The following LYPLAL1 variants were observed in gnomAD, a reference collection of about 807,000 sequenced individuals.
LYPLAL1 encodes lysophospholipase-like protein 1.
In LYPLAL1, 23 loss-of-function variants were observed where a neutral mutation model predicts 19.7. The observed-to-expected ratio is 1.17, with a 90% CI of 0.84 to 1.65. LYPLAL1 has a LOEUF of 1.65. Ranked by LOEUF, LYPLAL1 falls within the 40% of genes most tolerant of loss-of-function variation. The pLI is 0.00. For missense variants in LYPLAL1, 355 were observed against 279.4 expected (o/e 1.27, Z -1.93); for synonymous variants, 119 against 96.3 (o/e 1.24, Z -1.38).
chr1:219,376,029 C>G, the LYPLAL1 span, among the ~76,000 whole-genome samples: 1 of 152,114 alleles, frequency 6.6e-6, no homozygotes, highest in African/African-American at 2.4e-5. Flanking sequence ...CCGTGAGCCA[C>G]TGCACCTGGC....
At chr1:219,418,435 C>G in the LYPLAL1 span, among the ~76,000 whole-genome samples, 2 of 152,170 alleles carry the variant, frequency 1.3e-5, no homozygotes, top group African/African-American at 4.8e-5. Flanking sequence ...CTAGCCCATC[C>G]TAGTGGTTCT....
At chr1:219,443,084 G>GAAA in the LYPLAL1 span, among the ~76,000 whole-genome samples, 100 of 143,108 alleles carry the variant, frequency 7.0e-4, no homozygotes, top group South Asian at 0.015. Context: ...GTTTCTGCTG[G>GAAA]AAAAAAAAAA....
At chr1:219,440,750 T>C in the LYPLAL1 span, among the ~76,000 whole-genome samples, 1 of 152,184 alleles carries the variant, frequency 6.6e-6, no homozygotes, top group Non-Finnish European at 1.5e-5. Context: ...AACCAAGTAA[T>C]GTATGAGAAT....
At chr1:219,193,308 A>G in intron 3 of LYPLAL1, 57 bp downstream of exon 3, 2 of 1,370,314 alleles carry the variant, frequency 1.5e-6, no homozygotes, top group African/African-American at 1.4e-5. Flanking sequence ...AATTCTATAC[A>G]TCAAATCTTA....
the LYPLAL1 span, among the ~76,000 whole-genome samples, chr1:219,369,395 C>CCAAGTAG: frequency 6.6e-6 from 1 of 152,224 alleles, no homozygotes; most frequent in African/African-American, 2.4e-5. Flanking sequence ...CCTCAGCCTC[C>CCAAGTAG]CAAGTAGCTG....
the LYPLAL1 span, among the ~76,000 whole-genome samples, chr1:219,328,474 A>G: frequency 6.6e-6 from 1 of 152,192 alleles, no homozygotes; most frequent in Non-Finnish European, 1.5e-5. Flanking sequence ...CCTACACACC[A>G]GAAGAATTGT....
At chr1:219,306,849 T>TAGATAGACAGACAGAC in the LYPLAL1 span, among the ~76,000 whole-genome samples, 17,521 of 135,026 alleles carry the variant, frequency 0.13, 1,488 homozygotes, top group Non-Finnish European at 0.17. Flanking sequence ...GATAGATAGA[T>TAGATAGACAGACAGAC]AGACAGACAG....
At chr1:219,289,701 T>C in the LYPLAL1 span, among the ~76,000 whole-genome samples, 1 of 152,198 alleles carries the variant, frequency 6.6e-6, no homozygotes, top group South Asian at 2.1e-4. Flanking sequence ...CTGCTGGTAT[T>C]GTCAAACACT....
At chr1:219,301,951 A>G in the LYPLAL1 span, among the ~76,000 whole-genome samples, 2 of 152,314 alleles carry the variant, frequency 1.3e-5, no homozygotes, top group Admixed American at 1.3e-4. Flanking sequence ...CATGATACAG[A>G]TAAGCAAAAA....
the LYPLAL1 span, among the ~76,000 whole-genome samples, chr1:219,370,140 A>G: frequency 6.6e-6 from 1 of 152,208 alleles, no homozygotes; most frequent in Non-Finnish European, 1.5e-5. Flanking sequence ...AGCACATTGT[A>G]CACAGCAACT....
rs1656085237 is a variant in LYPLAL1 at position 219,179,440 on chromosome 1, T to A, written c.191+194T>A. The A allele has an allele frequency of 5.7e-6, 3 of 528,144 alleles. No homozygotes were observed. In the Admixed American group the frequency reaches 1.2e-4, roughly 21 times the overall value. 32.7% of individuals were successfully genotyped at this position (528,144 alleles called of 1,614,324 possible). A position where few individuals can be genotyped will look rare whatever the true frequency, so the allele number is the denominator to read the frequency against. ...AAGTTTTGCCAGGTGAGTAATTTAT[T>A]CCCTTTCTGTAAAGCATTCCCTAAA... On this transcript the variant is annotated intron_variant, in intron 2 of 4. Coordinates refer to ENST00000366928, the MANE Select transcript of LYPLAL1 (RefSeq NM_138794.5).
chr1:219,175,204 G>T, intron 1 of LYPLAL1: 1 of 596,228 alleles, frequency 1.7e-6, no homozygotes, highest in Non-Finnish European at 2.1e-6. Context: ...AGAACCCAAA[G>T]CTCTCCGACC....
At chr1:219,174,078 A>G (rs796204121) in intron 1 of LYPLAL1, 97 bp downstream of exon 1, 25 of 1,552,032 alleles carry the variant, frequency 1.6e-5, no homozygotes, top group Middle Eastern at 1.7e-4. Flanking sequence ...CGCCGGGCCC[A>G]AATAGGGCCC....
At chr1:219,246,567 A>G in the LYPLAL1 span, among the ~76,000 whole-genome samples, 1 of 152,128 alleles carries the variant, frequency 6.6e-6, no homozygotes, top group African/African-American at 2.4e-5. Flanking sequence ...TGCCCCGTTT[A>G]CAAGTAGACA....
the LYPLAL1 span, chr1:219,409,775 G>C: frequency 6.6e-6 from 1 of 152,186 alleles, no homozygotes; most frequent in Non-Finnish European, 1.5e-5. Flanking sequence ...GGCTGAACAC[G>C]GCAGGTTTCT....
At chr1:219,380,959 ATG>A in the LYPLAL1 span, among the ~76,000 whole-genome samples, 1 of 152,150 alleles carries the variant, frequency 6.6e-6, no homozygotes, top group Non-Finnish European at 1.5e-5. Context: ...CTTGCTCTGT[ATG>A]ACAAGAAACA....
At chr1:219,242,299 A>G in the LYPLAL1 span, among the ~76,000 whole-genome samples, 1 of 152,192 alleles carries the variant, frequency 6.6e-6, no homozygotes, top group East Asian at 1.9e-4. Context: ...ACTTAAACCA[A>G]CCACTGGTCT....
chr1:219,193,273 A>T, intron 3 of LYPLAL1, 22 bp downstream of exon 3: 1 of 1,581,850 alleles, frequency 6.3e-7, no homozygotes. Flanking sequence ...AAATGTTGGT[A>T]ATTTATCACT....
chr1:219,213,647 A>T (rs57492200), downstream of LYPLAL1, among the ~76,000 whole-genome samples: 115 of 152,106 alleles, frequency 7.6e-4, no homozygotes, highest in African/African-American at 2.7e-3. Flanking sequence ...TGTTAGATTT[A>T]TACTTGTATT....
Sources: allele counts gnomAD v4.1 joint callset (sites outside exome capture counted in the v4.1 genomes callset), GRCh38; gene constraint gnomAD v4.1.1; transcripts MANE v1.5; gene names NCBI Gene and HGNC (gene_info 2026-07-23, HGNC 2026-07-21).